STARD3: variants seen among roughly 807,000 people sequenced by gnomAD.
STARD3 encodes the protein stAR-related lipid transfer protein 3.
A neutral mutation model predicts 62.0 loss-of-function variants in STARD3; 39 were observed. The observed-to-expected ratio is 0.63, with a 90% CI of 0.49 to 0.82. The LOEUF (loss-of-function observed/expected upper bound fraction) is 0.82. STARD3 is among the 40% of genes least tolerant of loss of function. STARD3 has a pLI of 0.00. For synonymous variants in STARD3, 229 were observed against 242.4 expected, an observed-to-expected ratio of 0.94 and a Z score of 0.51; for missense variants, 543 against 584.5, an observed-to-expected ratio of 0.93 and a Z score of 0.73.
At chr17:39,657,111 G>A (rs59032046) in intron 3 of STARD3, 26 bp downstream of exon 3, 2 of 1,610,458 alleles carry the variant, frequency 1.2e-6, no homozygotes, top group Non-Finnish European at 1.7e-6. Flanking sequence ...TGATCCTGGG[G>A]ACCCCGGAGG....
intron 2 of STARD3, among the ~76,000 whole-genome samples, chr17:39,655,696 T>G (rs183441538): frequency 8.0e-4 from 122 of 152,292 alleles, no homozygotes; most frequent in Admixed American, 4.8e-3. Context: ...GTATTGATTT[T>G]CAGTCTTGTA....
chr17:39,658,029 C>T lies in STARD3; in HGVS notation c.429+3C>T. The T allele has an allele frequency of 6.4e-7, 1 of 1,556,270 alleles. No individual in the cohort carries two copies. The highest frequency in any genetic ancestry group is 1.3e-5 in the African/African-American group (1 of 74,080). ...TTGTCAAGGTCATCCTCTCTGAGGT[C>T]AGTGGCTCAGGGTCTGGCCAGTCTG... On this transcript the variant is annotated splice_donor_region_variant and intron_variant, in intron 5 of 14. Coordinates refer to ENST00000336308, the MANE Select transcript of STARD3 (RefSeq NM_006804.4).
chr17:39,646,053 G>A (rs1196110203), intron 1 of STARD3, among the ~76,000 whole-genome samples: 7 of 150,494 alleles, frequency 4.7e-5, no homozygotes, highest in Non-Finnish European at 7.4e-5. Context: ...CACCACACCC[G>A]GCTATTTTTT....
At chr17:39,652,578 A>ACATT (rs1473729339) in intron 1 of STARD3, 2 of 152,216 alleles carry the variant, frequency 1.3e-5, no homozygotes, top group African/African-American at 4.8e-5. Context: ...CTGTGGGAGA[A>ACATT]CATTCCAGGC....
At chr17:39,661,265 T>A in intron 13 of STARD3, 180 bp downstream of exon 13, 1 of 623,658 alleles carries the variant, frequency 1.6e-6, no homozygotes, top group Non-Finnish European at 2.8e-6. Context: ...GCTCTGTCTG[T>A]GGAGATGGGG....
At chr17:39,640,313 C>G (rs543575203) in intron 1 of STARD3, among the ~76,000 whole-genome samples, 1 of 152,336 alleles carries the variant, frequency 6.6e-6, no homozygotes, top group South Asian at 2.1e-4. Context: ...ATTTAAAGAG[C>G]TGTCTCCTGA....
At chr17:39,642,137 C>T (rs1216413454) in intron 1 of STARD3, among the ~76,000 whole-genome samples, 1 of 152,236 alleles carries the variant, frequency 6.6e-6, no homozygotes, top group Non-Finnish European at 1.5e-5. Flanking sequence ...GTGGTGTGTC[C>T]TGGGAGCAGC....
intron 1 of STARD3, among the ~76,000 whole-genome samples, chr17:39,640,630 A>T (rs1020844399): frequency 1.3e-5 from 2 of 151,022 alleles, no homozygotes; most frequent in Admixed American, 1.3e-4. Flanking sequence ...TCACTGGTTT[A>T]CATAGCAGCA....
rs2934959 is a variant in STARD3, at chr17:39,660,970, C to A, written c.1035-11C>A. 82,800 of 1,613,422 alleles carry A rather than the reference C, an allele frequency of 0.051. 2,643 individuals carry two copies. Among genetic ancestry groups the A allele is most frequent in the Non-Finnish European group, 0.063 (74,131 of 1,179,814 alleles). Reference sequence around the variant, plus strand: ...GGTCATTGTCCCCTGAACTAACCCTCCCTCCCGCAGGGACTTCGTGAATGT... The same window carrying A: ...GGTCATTGTCCCCTGAACTAACCCTACCTCCCGCAGGGACTTCGTGAATGT... On this transcript the variant is annotated splice_polypyrimidine_tract_variant and intron_variant, in intron 12 of 14. Coordinates refer to ENST00000336308, the MANE Select transcript of STARD3 (RefSeq NM_006804.4). This position sits in a 1 kb window ranked among gnomAD's most constrained non-coding sequence, Gnocchi z 4.8.
At chr17:39,644,160 TG>T (rs988249359) in intron 1 of STARD3, among the ~76,000 whole-genome samples, 11 of 152,172 alleles carry the variant, frequency 7.2e-5, no homozygotes, top group Admixed American at 5.2e-4. Flanking sequence ...CTCTAGCCTC[TG>T]GGGGATTTGG....
chr17:39,661,270 A>G (rs2145047222), intron 13 of STARD3, 185 bp downstream of exon 13: 2 of 618,978 alleles, frequency 3.2e-6, no homozygotes, highest in South Asian at 3.9e-5. Flanking sequence ...GTCTGTGGAG[A>G]TGGGGGGTGG....
chr17:39,657,248 G>T (rs1208040674), intron 3 of STARD3, among the ~76,000 whole-genome samples, 163 bp downstream of exon 3: 1 of 152,134 alleles, frequency 6.6e-6, no homozygotes, highest in African/African-American at 2.4e-5. Flanking sequence ...CCACAAGGCT[G>T]GGCGCAGTGG....
At chr17:39,657,261 C>T (rs767653707) in intron 3 of STARD3, among the ~76,000 whole-genome samples, 176 bp downstream of exon 3, 1 of 152,158 alleles carries the variant, frequency 6.6e-6, no homozygotes, top group Non-Finnish European at 1.5e-5. Flanking sequence ...CGCAGTGGCT[C>T]ACGCCTGTAA....
Position 39,659,044 on chromosome 17 carries a change from T to C in STARD3, c.647-7T>C. ...TTGCCATTGTCATCTGTGCCTGTTT[T>C]CTGCAGGGTCTGACAATGAATCAGA... On this transcript the variant is annotated splice_region_variant and splice_polypyrimidine_tract_variant and intron_variant, in intron 7 of 14. Coordinates refer to ENST00000336308, the MANE Select transcript of STARD3 (RefSeq NM_006804.4). 6.2e-7 allele frequency: 1 copy of C among 1,614,182 alleles called. No individual in the cohort carries two copies. Among genetic ancestry groups the C allele is most frequent in the Non-Finnish European group, 8.5e-7 (1 of 1,180,002 alleles).
At position 39,657,696 on chromosome 17, in the gene STARD3, G is replaced by A. The variant is rs528077763; in HGVS notation, c.298-79G>A. The stretch of plus-strand genomic sequence containing the variant: ...CCCATAGGAAGGGAACGTGGGGGCA[G>A]GACCAGAGGGGAGGTCAGCCTGCAG... On this transcript the variant is annotated intron_variant, in intron 3 of 14. Coordinates refer to ENST00000336308, the MANE Select transcript of STARD3 (RefSeq NM_006804.4). 7.6e-5 allele frequency: 115 copies of A among 1,519,776 alleles called. No homozygotes were observed. The African/African-American group carries it at 1.4e-3, about 19-fold the overall frequency. 94.1% of individuals were successfully genotyped at this position (1,519,776 alleles called of 1,614,324 possible).
rs2057171647 is a variant in STARD3 at position 39,659,526 on chromosome 17, A to G, written c.768A>G (p.Glu256=). ...TGGTGGACCAGATCTTGGCCCAGGA[A>G]GAGAACTGGAAGTTTGAGAAGAATA... is the stretch of plus-strand genomic sequence containing the variant. ...TAVVDQILAQ[E]ENWKFEKNNE... is the part of the protein sequence containing the mutation. The change falls in exon 9 of 15, where the codon GAA becomes GAG. Residue 256 remains glutamate, a synonymous_variant. Coordinates refer to ENST00000336308, the MANE Select transcript of STARD3 (RefSeq NM_006804.4). 6.2e-7 allele frequency: 1 copy of G among 1,614,062 alleles called. No homozygotes were observed. The highest frequency in any genetic ancestry group is 1.7e-5 in the Admixed American group (1 of 60,004).
At chr17:39,661,640 C>T (rs564689435) in intron 13 of STARD3, among the ~76,000 whole-genome samples, 3 of 152,124 alleles carry the variant, frequency 2.0e-5, no homozygotes. Context: ...CCCATAGACC[C>T]CACTCTTCCC....
chr17:39,654,856 G>A (rs1247914238), intron 2 of STARD3, among the ~76,000 whole-genome samples: 2 of 152,368 alleles, frequency 1.3e-5, no homozygotes, highest in African/African-American at 2.4e-5. Context: ...GGCCAGCTCC[G>A]GGCAAAGAGA....
intron 1 of STARD3, among the ~76,000 whole-genome samples, chr17:39,649,835 C>T (rs1326506020): frequency 7.0e-6 from 1 of 141,994 alleles, no homozygotes; most frequent in African/African-American, 2.7e-5. Flanking sequence ...CACTGCACTC[C>T]AGCCTGGGCC....
Sources: gnomAD v4.1 joint callset for allele counts (sites outside exome capture counted in the v4.1 genomes callset) on GRCh38, gnomAD v4.1.1 for gene constraint, Gnocchi (gnomAD v3.1) non-coding constraint, MANE v1.5 for transcripts, NCBI Gene and HGNC (gene_info 2026-07-23, HGNC 2026-07-21) for gene names.